TMEM132D: variants seen among roughly 807,000 people sequenced by gnomAD.
TMEM132D encodes the protein mature OL transmembrane protein.
TMEM132D carries 21 observed loss-of-function variants against 62.3 expected under a neutral mutation model. The ratio of observed to expected loss-of-function variants is 0.34; its 90% CI spans 0.24 to 0.49. The LOEUF is 0.49. TMEM132D is among the 20% of genes least tolerant of loss of function. TMEM132D has a pLI of 0.99. For synonymous variants in TMEM132D, 621 were observed against 575.6 expected (o/e 1.08, Z -1.13); for missense variants, 1,346 against 1,402.8 (o/e 0.96, Z 0.65).
At chr12:129,768,447 T>A (rs1371884359) in intron 1 of TMEM132D, among the ~76,000 whole-genome samples, 3 of 151,792 alleles carry the variant, frequency 2.0e-5, no homozygotes, top group Admixed American at 6.6e-5. Context: ...TGGTTTTTAA[T>A]TTTTTAAGGA....
intron 2 of TMEM132D, among the ~76,000 whole-genome samples, chr12:129,624,231 T>C (rs930741155): frequency 6.6e-6 from 1 of 152,192 alleles, no homozygotes; most frequent in African/African-American, 2.4e-5. Context: ...TTCAATACTG[T>C]TGTGGATATC....
chr12:129,720,508 C>T (rs1868783068), intron 1 of TMEM132D, among the ~76,000 whole-genome samples: 1 of 152,162 alleles, frequency 6.6e-6, no homozygotes, highest in Non-Finnish European at 1.5e-5. Flanking sequence ...GAATTACTTT[C>T]AAAGGCAGCC....
At chr12:129,658,693 T>C (rs552717286) in intron 2 of TMEM132D, among the ~76,000 whole-genome samples, 1 of 152,310 alleles carries the variant, frequency 6.6e-6, no homozygotes, top group East Asian at 1.9e-4. Flanking sequence ...CCTTAAAATA[T>C]TCATTTTTGG....
rs79661401 is a variant in TMEM132D, at chr12:129,574,947, C to T, written c.969-43742G>A. On this transcript the variant is annotated intron_variant, in intron 2 of 8. Coordinates refer to ENST00000422113, the MANE Select transcript of TMEM132D (RefSeq NM_133448.3). ...GAGATGCAGATGCCCGAAACTCCAC[C>T]AAACACTCTTCCTGCTTGCAGAGAC... Among the ~76,000 whole-genome samples the T allele has an allele frequency of 7.3e-3, 1,111 of 151,836 alleles. 40 individuals are homozygous for T. Among genetic ancestry groups the T allele is most frequent in the African/African-American group, 0.026 (1,072 of 41,186 alleles).
intron 2 of TMEM132D, among the ~76,000 whole-genome samples, chr12:129,606,347 A>G (rs956757267): frequency 6.6e-6 from 1 of 152,120 alleles, no homozygotes; most frequent in Non-Finnish European, 1.5e-5. Flanking sequence ...AAGATACATG[A>G]GGGGTATCTA....
At chr12:129,211,525 C>T (rs1197065078) in intron 4 of TMEM132D, among the ~76,000 whole-genome samples, 3 of 152,306 alleles carry the variant, frequency 2.0e-5, no homozygotes, top group Non-Finnish European at 2.9e-5. Flanking sequence ...AGAAGTTTAT[C>T]ATCCTAAAAT....
chr12:129,090,447 C>T (rs915208335), intron 5 of TMEM132D, among the ~76,000 whole-genome samples: 1 of 152,100 alleles, frequency 6.6e-6, no homozygotes. Context: ...GGAGGATCAC[C>T]TGAGGTCAGG....
At chr12:129,338,296 G>A (rs1869358092) in intron 3 of TMEM132D, among the ~76,000 whole-genome samples, 2 of 152,132 alleles carry the variant, frequency 1.3e-5, no homozygotes, top group South Asian at 4.1e-4. Flanking sequence ...TGATAAGACA[G>A]AATTGCACAG....
At chr12:129,545,624 C>T (rs531217561) in intron 2 of TMEM132D, among the ~76,000 whole-genome samples, 1 of 152,108 alleles carries the variant, frequency 6.6e-6, no homozygotes, top group Admixed American at 6.5e-5. Flanking sequence ...CCCATTCTCC[C>T]ACTCCCTGCC....
At chr12:129,461,516 T>A (rs889707329) in intron 3 of TMEM132D, among the ~76,000 whole-genome samples, 1 of 152,098 alleles carries the variant, frequency 6.6e-6, no homozygotes, top group Non-Finnish European at 1.5e-5. Flanking sequence ...GACAGATTAT[T>A]TTTCCTTGTA....
At chr12:129,851,825 T>C (rs1873553266) in intron 1 of TMEM132D, among the ~76,000 whole-genome samples, 1 of 152,222 alleles carries the variant, frequency 6.6e-6, no homozygotes, top group Non-Finnish European at 1.5e-5. Flanking sequence ...TTGCCACAAC[T>C]ACTCAATTCT....
At chr12:129,797,690 T>A (rs1871608369) in intron 1 of TMEM132D, among the ~76,000 whole-genome samples, 1 of 152,236 alleles carries the variant, frequency 6.6e-6, no homozygotes, top group Non-Finnish European at 1.5e-5. Flanking sequence ...GAAGCCATTG[T>A]GCCTGGGGGC....
chr12:129,788,729 A>T (rs912764292), intron 1 of TMEM132D, among the ~76,000 whole-genome samples: 2 of 152,176 alleles, frequency 1.3e-5, no homozygotes, highest in Non-Finnish European at 2.9e-5. Context: ...GGGTATGATG[A>T]CTTACCAAGG....
intron 1 of TMEM132D, among the ~76,000 whole-genome samples, chr12:129,830,662 C>G (rs1191904504): frequency 1.3e-5 from 2 of 152,120 alleles, no homozygotes; most frequent in African/African-American, 2.4e-5. Flanking sequence ...CACAAGTTGT[C>G]AGGACTCCCT....
intron 3 of TMEM132D, among the ~76,000 whole-genome samples, chr12:129,470,207 C>T (rs542058827): frequency 6.6e-6 from 1 of 152,290 alleles, no homozygotes; most frequent in East Asian, 1.9e-4. Context: ...GGAGAACAGT[C>T]ACATAAGATG....
chr12:129,599,299 T>G (rs1878426638), intron 2 of TMEM132D, among the ~76,000 whole-genome samples: 1 of 152,214 alleles, frequency 6.6e-6, no homozygotes, highest in Non-Finnish European at 1.5e-5. Flanking sequence ...TATCCACAAC[T>G]AATACATTTC....
At chr12:129,479,768 T>C (rs1190404767) in intron 3 of TMEM132D, among the ~76,000 whole-genome samples, 1 of 149,820 alleles carries the variant, frequency 6.7e-6, no homozygotes, top group African/African-American at 2.5e-5. Context: ...GTTCTCACTG[T>C]GTCCTAGAGA....
At chr12:129,502,040 G>A (rs577828497) in intron 3 of TMEM132D, among the ~76,000 whole-genome samples, 114 of 150,824 alleles carry the variant, frequency 7.6e-4, no homozygotes, top group African/African-American at 2.6e-3. Context: ...TCGCTCTGTC[G>A]TCCAGGTGGA....
chr12:129,470,050 C>G (rs182504299), intron 3 of TMEM132D, among the ~76,000 whole-genome samples: 1 of 152,248 alleles, frequency 6.6e-6, no homozygotes, highest in East Asian at 1.9e-4. Flanking sequence ...GTGAATCAAC[C>G]TAGAATCTAT....
Sources: gnomAD v4.1 joint callset for allele counts (sites outside exome capture counted in the v4.1 genomes callset) on GRCh38, gnomAD v4.1.1 for gene constraint, MANE v1.5 for transcripts, NCBI Gene and HGNC (gene_info 2026-07-23, HGNC 2026-07-21) for gene names.